The following CROCC variants were observed in gnomAD, a reference collection of about 807,000 sequenced individuals.
CROCC encodes ciliary rootlet coiled-coil, rootletin, also known as rootletin.
In CROCC, 180 loss-of-function variants were observed where a neutral mutation model predicts 245.2. The ratio of observed to expected loss-of-function variants is 0.73; its 90% CI spans 0.65 to 0.83. The LOEUF (loss-of-function observed/expected upper bound fraction) is 0.83. CROCC is among the 40% of genes least tolerant of loss of function. CROCC has a pLI of 0.00. For synonymous variants in CROCC, 1,205 were observed against 1,241.6 expected, an observed-to-expected ratio of 0.97 and a Z score of 0.62; for missense variants, 2,688 against 2,779.4, an observed-to-expected ratio of 0.97 and a Z score of 0.74.
At position 16,936,344 on chromosome 1, in the gene CROCC, T is replaced by G. The variant is rs570550167; in HGVS notation, c.957-293T>G. Among the ~76,000 whole-genome samples the G allele has an allele frequency of 1.2e-4, 18 of 152,390 alleles. No homozygotes were observed. The East Asian group carries it at 1.5e-3, about 13-fold the overall frequency. ...GTGCAGTGTCATGATCTCGGCTTAC[T>G]GCAGTCTCCACTTCCTGGGTTCAAG... On this transcript the variant is annotated intron_variant, in intron 8 of 36. Transcript: ENST00000375541.
chr1:16,970,216 C>T (rs1443121099), intron 33 of CROCC, 37 bp from the exon 34 acceptor site: 2 of 1,513,806 alleles, frequency 1.3e-6, no homozygotes, highest in Non-Finnish European at 1.8e-6. Context: ...ATGCTCAGGC[C>T]CAGAGGGATT....
chr1:16,914,494 C>T (rs2075283029), intron 1 of CROCC, among the ~76,000 whole-genome samples: 1 of 152,292 alleles, frequency 6.6e-6, no homozygotes, highest in Non-Finnish European at 1.5e-5. Flanking sequence ...CTCTGCAGCT[C>T]CTGCGTGCGG....
At chr1:16,920,103 G>A (rs555480405), upstream of CROCC, among the ~76,000 whole-genome samples, 75 of 152,154 alleles carry the variant, frequency 4.9e-4, no homozygotes, top group African/African-American at 1.8e-3. Flanking sequence ...TTTTTGAGAC[G>A]GAGTCTTACT....
chr1:16,921,730 C>G (rs1296784851), upstream of CROCC, among the ~76,000 whole-genome samples: 1 of 152,212 alleles, frequency 6.6e-6, no homozygotes, highest in Non-Finnish European at 1.5e-5. Context: ...CTCCCATTCC[C>G]TCTTCTCTCT....
At chr1:16,919,598 C>G (rs537763075), upstream of CROCC, among the ~76,000 whole-genome samples, 1 of 152,286 alleles carries the variant, frequency 6.6e-6, no homozygotes, top group East Asian at 1.9e-4. Context: ...AGCCGAGCTC[C>G]TCGAGTGAGC....
chr1:16,970,201 T>C, intron 33 of CROCC, 52 bp from the exon 34 acceptor site: 1 of 1,469,982 alleles, frequency 6.8e-7, no homozygotes, highest in South Asian at 1.3e-5. Context: ...AAGCTTCAGA[T>C]AAGTATGCTC....
rs891474636 is a variant in CROCC at position 16,953,387 on chromosome 1, T to G, written c.3092T>G (p.Leu1031Arg). 3.5e-5 allele frequency: 56 copies of G among 1,610,524 alleles called. No homozygotes were observed. Among genetic ancestry groups the G allele is most frequent in the Middle Eastern group, 2.2e-4 (1 of 4,490 alleles). Residue 1031 changes from leucine to arginine, a missense_variant, in exon 21 of 37, where the codon CTG (leucine) becomes CGG (arginine). By Grantham distance (102) the Leu-to-Arg change is moderately radical. This residue lies in a region of CROCC where 106 missense variants were observed against 126.1 expected (regional missense o/e 0.84). Coordinates refer to ENST00000375541, the MANE Select transcript of CROCC (RefSeq NM_014675.5). The part of the protein sequence containing the change: ...QREQEELLAR[L>R]EAEKEELSEE... The stretch of plus-strand genomic sequence containing the variant: ...GAGCAGGAGGAGCTGCTGGCCCGGC[T>G]GGAGGCTGAGAAGGAAGAGCTGAGT...
intron 7 of CROCC, among the ~76,000 whole-genome samples, 189 bp downstream of exon 7, chr1:16,930,783 G>A (rs1462819632): frequency 3.9e-5 from 6 of 152,400 alleles, no homozygotes; most frequent in Middle Eastern, 3.4e-3. Context: ...CACGGTGTGC[G>A]TTGACCTTTA....
At chr1:16,918,610 C>T (rs2075338483), upstream of CROCC, among the ~76,000 whole-genome samples, 1 of 152,204 alleles carries the variant, frequency 6.6e-6, no homozygotes, top group Admixed American at 6.5e-5. Flanking sequence ...TTTTTGGCTT[C>T]CCCCCTGTTC....
intron 27 of CROCC, among the ~76,000 whole-genome samples, chr1:16,962,172 C>T (rs2076344015): frequency 6.6e-6 from 1 of 151,648 alleles, no homozygotes; most frequent in Non-Finnish European, 1.5e-5. Context: ...AAGTGATTCT[C>T]CTGCCTCAGC....
Position 16,969,229 on chromosome 1 carries a change from C to T in CROCC, c.5190C>T (p.Gly1730=), listed in dbSNP as rs367729004. ...SEGALRDKVR[G]LTEALAQSSA... ...GGGCCCTGCGGGACAAGGTGCGGGG[C>T]CTGACAGAGGCCCTGGCCCAGAGCA... Residue 1730 remains glycine, a synonymous_variant, in exon 32 of 37, where the codon GGC becomes GGT. Transcript: ENST00000375541. 36 of 1,613,142 alleles carry T rather than the reference C, an allele frequency of 2.2e-5. No individual in the cohort carries two copies. The highest frequency in any genetic ancestry group is 2.7e-5 in the Non-Finnish European group (32 of 1,179,750).
chr1:16,922,181 G>A (rs1198853250), intron 1 of CROCC, 103 bp downstream of exon 1: 7 of 1,219,312 alleles, frequency 5.7e-6, no homozygotes, highest in African/African-American at 1.5e-5. Flanking sequence ...GGGTGGGAGA[G>A]GTGTGGTGGT....
chr1:16,932,613 A>C (rs2075702668), intron 8 of CROCC, among the ~76,000 whole-genome samples: 1 of 152,236 alleles, frequency 6.6e-6, no homozygotes, highest in African/African-American at 2.4e-5. Flanking sequence ...GGGTTGAAGC[A>C]GAGCAGCAGG....
At chr1:16,936,577 GTTTTAATT>G in intron 8 of CROCC, 52 bp from the exon 9 acceptor site, 5 of 1,473,372 alleles carry the variant, frequency 3.4e-6, no homozygotes, top group Admixed American at 2.3e-5. Context: ...CCCAAGCATA[GTTTTAATT>G]TGTAGTTGGG....
chr1:16,964,116 C>CT (rs1483328981), intron 27 of CROCC, among the ~76,000 whole-genome samples: 1 of 64,192 alleles, frequency 1.6e-5, no homozygotes, highest in Non-Finnish European at 4.7e-5. Context: ...TTTTCTTTTT[C>CT]TTTTCTTTTC....
At chr1:16,932,954 G>A (rs2100379380) in intron 8 of CROCC, among the ~76,000 whole-genome samples, 1 of 152,400 alleles carries the variant, frequency 6.6e-6, no homozygotes, top group South Asian at 2.1e-4. Context: ...TGGGACTACA[G>A]GTGCATGCCA....
intron 24 of CROCC, 32 bp downstream of exon 24, chr1:16,955,582 CCTCA>C: frequency 6.8e-7 from 1 of 1,464,662 alleles, no homozygotes; most frequent in Non-Finnish European, 9.1e-7. Flanking sequence ...AGTCCTGAGT[CCTCA>C]TGGGATCCCA....
chr1:16,924,536 A>T, intron 3 of CROCC, 57 bp downstream of exon 3: 2 of 1,586,520 alleles, frequency 1.3e-6, no homozygotes, highest in Non-Finnish European at 8.6e-7. Flanking sequence ...AAGGGCAGGG[A>T]GGCATCTAGA....
chr1:16,938,918 T>A lies in CROCC; in HGVS notation c.1384T>A (p.Ser462Thr). The change falls in exon 12 of 37, where the codon TCA becomes ACA. Residue 462 changes from serine (S) to threonine (T), a missense_variant. Ser to Thr is a moderately conservative substitution (Grantham distance 58). This residue lies in a region of CROCC where 972 missense variants were observed against 895.3 expected (regional missense o/e 1.09). Coordinates refer to ENST00000375541, the MANE Select transcript of CROCC (RefSeq NM_014675.5). ...TLRDLAQAVL[S>T]DSESGVQLSG... Reference sequence around the variant, plus strand: ...CCTCCCCCACCCTCAGGCCGTCTTGTCAGACTCTGAGAGCGGCGTCCAGCT... The same window carrying A: ...CCTCCCCCACCCTCAGGCCGTCTTGACAGACTCTGAGAGCGGCGTCCAGCT... The A allele has an allele frequency of 6.2e-7, 1 of 1,603,750 alleles. No individual in the cohort carries two copies. The highest frequency in any genetic ancestry group is 1.1e-5 in the South Asian group (1 of 89,668).
Sources: allele counts gnomAD v4.1 joint callset (sites outside exome capture counted in the v4.1 genomes callset), GRCh38; gene constraint gnomAD v4.1.1; regional missense constraint gnomAD v4.1.1; transcripts MANE v1.5; gene names NCBI Gene and HGNC (gene_info 2026-07-23, HGNC 2026-07-21).